The following TENM2 variants were observed in gnomAD, a reference collection of about 807,000 sequenced individuals.
The protein encoded by TENM2 is teneurin-2.
In TENM2, 52 loss-of-function variants were observed where a neutral mutation model predicts 245.2. That is an observed-to-expected ratio of 0.21 (90% confidence interval 0.17 to 0.27). The LOEUF is 0.27. Ranked by LOEUF, TENM2 falls within the 10% of genes least tolerant of loss-of-function variation. The pLI is 1.00. For missense variants in TENM2, 3,046 were observed against 3,666.8 expected, an observed-to-expected ratio of 0.83 and a Z score of 4.37; for synonymous variants, 1,363 against 1,438.9, an observed-to-expected ratio of 0.95 and a Z score of 1.19.
chr5:167,701,114 G>A (rs901850323), intron 2 of TENM2, among the ~76,000 whole-genome samples: 24 of 152,144 alleles, frequency 1.6e-4, no homozygotes, highest in Admixed American at 1.0e-3. Flanking sequence ...GACCACTAGT[G>A]CTTTCTAAAC....
the TENM2 span, among the ~76,000 whole-genome samples, chr5:167,174,219 A>T: frequency 6.6e-6 from 1 of 152,132 alleles, no homozygotes; most frequent in African/African-American, 2.4e-5. Flanking sequence ...TAATGGAAAC[A>T]TACCCTGCAT....
intron 2 of TENM2, among the ~76,000 whole-genome samples, chr5:167,844,634 T>A (rs1310032055): frequency 1.3e-5 from 2 of 152,172 alleles, no homozygotes; most frequent in Non-Finnish European, 2.9e-5. Context: ...TGCTATAAGA[T>A]GGCATTTTCA....
chr5:168,256,782 G>T (rs920477982), intron 27 of TENM2, among the ~76,000 whole-genome samples: 1 of 151,108 alleles, frequency 6.6e-6, no homozygotes, highest in Non-Finnish European at 1.5e-5. Flanking sequence ...GTCTTTCAAT[G>T]ACTAGTCTGT....
At chr5:168,151,739 G>A (rs1196535673) in intron 12 of TENM2, among the ~76,000 whole-genome samples, 1 of 152,240 alleles carries the variant, frequency 6.6e-6, no homozygotes, top group African/African-American at 2.4e-5. Context: ...GCCCCGGGCA[G>A]CAGCAGAATC....
intron 2 of TENM2, among the ~76,000 whole-genome samples, chr5:167,645,357 G>A (rs1428550851): frequency 6.6e-6 from 1 of 152,146 alleles, no homozygotes; most frequent in Non-Finnish European, 1.5e-5. Flanking sequence ...TGCTAGAAGT[G>A]AGGAAAAAGC....
chr5:167,136,333 A>T, the TENM2 span, among the ~76,000 whole-genome samples: 1 of 152,188 alleles, frequency 6.6e-6, no homozygotes, highest in African/African-American at 2.4e-5. Context: ...GAGTCCCACC[A>T]GTTTTCAGTT....
chr5:167,252,598 A>T, the TENM2 span, among the ~76,000 whole-genome samples: 1 of 152,154 alleles, frequency 6.6e-6, no homozygotes, highest in Non-Finnish European at 1.5e-5. Context: ...GAAACTGTAC[A>T]TAACACTTTT....
chr5:167,751,541 G>T (rs1761960056), intron 2 of TENM2, among the ~76,000 whole-genome samples: 2 of 152,162 alleles, frequency 1.3e-5, no homozygotes, highest in African/African-American at 4.8e-5. Context: ...AAGTGAGAAA[G>T]AGAGAGGTCA....
chr5:167,347,181 T>C (rs967627041), intron 1 of TENM2, among the ~76,000 whole-genome samples: 2 of 152,168 alleles, frequency 1.3e-5, no homozygotes, highest in Non-Finnish European at 2.9e-5. Flanking sequence ...CCGAATCTTT[T>C]TTAATGGATA....
chr5:167,780,488 G>A (rs1235008242), intron 2 of TENM2, among the ~76,000 whole-genome samples: 3 of 152,072 alleles, frequency 2.0e-5, no homozygotes, highest in Non-Finnish European at 1.5e-5. Flanking sequence ...TGTACTTTTT[G>A]TTGGTGATTT....
chr5:167,069,829 G>A, the TENM2 span, among the ~76,000 whole-genome samples: 6 of 150,664 alleles, frequency 4.0e-5, no homozygotes, highest in African/African-American at 7.4e-5. Context: ...AGATCAAATC[G>A]CACTGTCATC....
the TENM2 span, among the ~76,000 whole-genome samples, chr5:167,271,995 C>T: frequency 6.6e-6 from 1 of 152,120 alleles, no homozygotes; most frequent in Non-Finnish European, 1.5e-5. Context: ...CAGGAATATT[C>T]TCTCTGTAAA....
At chr5:167,938,433 C>T (rs1450083354) in intron 3 of TENM2, 1 of 152,116 alleles carries the variant, frequency 6.6e-6, no homozygotes, top group African/African-American at 2.4e-5. Flanking sequence ...TGAGCTGAAA[C>T]ATGAAAACAA....
At chr5:167,769,702 TC>T (rs1763275404) in intron 2 of TENM2, among the ~76,000 whole-genome samples, 1 of 152,172 alleles carries the variant, frequency 6.6e-6, no homozygotes, top group Admixed American at 6.5e-5. Context: ...TGTCTGCAAA[TC>T]AACACTCCTG....
intron 2 of TENM2, among the ~76,000 whole-genome samples, chr5:167,859,605 TG>T (rs1458714093): frequency 1.9e-5 from 1 of 52,998 alleles, no homozygotes; most frequent in Non-Finnish European, 3.6e-5. Flanking sequence ...GGGAGGGAGG[TG>T]GGGGGGTCAG....
chr5:167,350,747 G>A (rs1469515422), intron 1 of TENM2, among the ~76,000 whole-genome samples: 1 of 135,864 alleles, frequency 7.4e-6, no homozygotes, highest in Non-Finnish European at 1.6e-5. Flanking sequence ...ATATATATAT[G>A]GGATATATAC....
chr5:167,597,748 T>C (rs10054877), intron 2 of TENM2, among the ~76,000 whole-genome samples: 4,800 of 152,258 alleles, frequency 0.032, 265 homozygotes, highest in African/African-American at 0.11. Flanking sequence ...TTCAAACTTA[T>C]ATATGCATGT....
At chr5:167,957,977 A>T (rs1245599155) in intron 4 of TENM2, among the ~76,000 whole-genome samples, 1 of 152,198 alleles carries the variant, frequency 6.6e-6, no homozygotes, top group East Asian at 1.9e-4. Context: ...AGTTCTGCAG[A>T]TGTCTATTAG....
chr5:168,082,472 T>C (rs1489062727), intron 7 of TENM2, among the ~76,000 whole-genome samples: 5 of 152,228 alleles, frequency 3.3e-5, no homozygotes, highest in Admixed American at 3.3e-4. Context: ...CTTTGTTGCG[T>C]TGCTGGCAAG....
Sources: gnomAD v4.1 joint callset for allele counts (sites outside exome capture counted in the v4.1 genomes callset) on GRCh38, gnomAD v4.1.1 for gene constraint, MANE v1.5 for transcripts, NCBI Gene and HGNC (gene_info 2026-07-23, HGNC 2026-07-21) for gene names.